UBE3D: variants seen among roughly 807,000 people sequenced by gnomAD.
UBE3D encodes ubiquitin protein ligase E3D.
Under a neutral mutation model 49.6 loss-of-function variants are expected in UBE3D, and 48 were observed. The observed-to-expected ratio is 0.97, with a 90% CI of 0.77 to 1.23. The LOEUF is 1.23. Among genes scored for constraint, UBE3D ranks in the 50% most tolerant of loss-of-function variants. The pLI is 0.00. For synonymous variants in UBE3D, 189 were observed against 174.2 expected, an observed-to-expected ratio of 1.08 and a Z score of -0.67; for missense variants, 452 against 468.4, an observed-to-expected ratio of 0.96 and a Z score of 0.32.
At chr6:82,926,491 T>C (rs2127740450) in intron 9 of UBE3D, among the ~76,000 whole-genome samples, 1 of 152,234 alleles carries the variant, frequency 6.6e-6, no homozygotes, top group South Asian at 2.1e-4. Flanking sequence ...GGTAAGAGTA[T>C]GTTAAGTTTT....
intron 8 of UBE3D, chr6:83,018,690 T>C (rs984069614): frequency 3.7e-5 from 12 of 323,598 alleles, no homozygotes; most frequent in Non-Finnish European, 6.2e-5. Context: ...TAAATATTCA[T>C]CACTGTTGAA....
downstream of UBE3D, among the ~76,000 whole-genome samples, chr6:82,890,476 T>C (rs1770960494): frequency 6.6e-6 from 1 of 152,222 alleles, no homozygotes; most frequent in Non-Finnish European, 1.5e-5. Context: ...CCTGTTGAGC[T>C]TGGGAACTTC....
chr6:82,948,340 G>C (rs1357789160), intron 9 of UBE3D, among the ~76,000 whole-genome samples: 1 of 151,382 alleles, frequency 6.6e-6, no homozygotes, highest in Non-Finnish European at 1.5e-5. Context: ...AAAAAACCCT[G>C]AACAGACCAA....
chr6:82,942,442 A>C (rs1562105607), intron 9 of UBE3D, among the ~76,000 whole-genome samples: 1 of 152,246 alleles, frequency 6.6e-6, no homozygotes, highest in Non-Finnish European at 1.5e-5. Context: ...CAGAATGTTA[A>C]TCACCAAGAC....
intron 5 of UBE3D, chr6:83,036,261 T>A (rs1782246103): frequency 6.6e-6 from 1 of 152,132 alleles, no homozygotes; most frequent in Non-Finnish European, 1.5e-5. Context: ...TGACCTCAGG[T>A]CATCTGCCCA....
chr6:82,960,896 C>T (rs1414964471), intron 8 of UBE3D, among the ~76,000 whole-genome samples: 1 of 152,288 alleles, frequency 6.6e-6, no homozygotes, highest in South Asian at 2.1e-4. Flanking sequence ...CTGACCCCAA[C>T]TCCTGCCACC....
At chr6:83,065,592 G>A (rs945396126) in intron 1 of UBE3D, 50 bp downstream of exon 1, 5 of 1,579,882 alleles carry the variant, frequency 3.2e-6, no homozygotes, top group Non-Finnish European at 4.3e-6. Context: ...CCCGACCCCC[G>A]GGCAGCAGTA....
intron 8 of UBE3D, among the ~76,000 whole-genome samples, chr6:83,016,419 C>G (rs1369743077): frequency 2.6e-5 from 4 of 152,090 alleles, no homozygotes; most frequent in Non-Finnish European, 5.9e-5. Flanking sequence ...TCAGCATTCT[C>G]CATGCTATCA....
intron 8 of UBE3D, among the ~76,000 whole-genome samples, chr6:82,995,512 A>ACACACACACACACT (rs1461837837): frequency 6.6e-6 from 1 of 151,992 alleles, no homozygotes; most frequent in African/African-American, 2.4e-5. Context: ...ACACACACAC[A>ACACACACACACACT]CACAGTCACC....
chr6:82,982,345 T>C (rs1778170799), intron 8 of UBE3D, among the ~76,000 whole-genome samples: 2 of 152,224 alleles, frequency 1.3e-5, no homozygotes, highest in Admixed American at 1.3e-4. Flanking sequence ...TCTCATCAAA[T>C]GTTCACATGT....
intron 6 of UBE3D, among the ~76,000 whole-genome samples, chr6:83,023,505 T>C (rs892560340): frequency 1.3e-4 from 20 of 152,340 alleles, no homozygotes; most frequent in African/African-American, 4.6e-4. Flanking sequence ...TACTTCCTTT[T>C]TCCTACATTT....
intron 2 of UBE3D, among the ~76,000 whole-genome samples, chr6:83,056,743 C>T (rs183215212): frequency 1.3e-5 from 2 of 152,284 alleles, no homozygotes; most frequent in East Asian, 3.9e-4. Context: ...CTCAACATCT[C>T]CTAAATGGCT....
chr6:83,017,764 A>G (rs1780795461), intron 8 of UBE3D: 1 of 152,132 alleles, frequency 6.6e-6, no homozygotes, highest in African/African-American at 2.4e-5. Flanking sequence ...ACCTCTAGAA[A>G]TTCCTCTAAT....
chr6:83,044,300 CA>C, intron 4 of UBE3D, 127 bp downstream of exon 4: 2 of 828,744 alleles, frequency 2.4e-6, no homozygotes, highest in Non-Finnish European at 3.8e-6. Context: ...ATAGCGATGA[CA>C]GTTGAAAATA....
chr6:82,937,756 G>C (rs146933889), intron 9 of UBE3D, among the ~76,000 whole-genome samples: 38 of 152,248 alleles, frequency 2.5e-4, no homozygotes, highest in African/African-American at 8.4e-4. Flanking sequence ...AAGACGAAAG[G>C]GGGGAAATTA....
chr6:82,952,433 T>G (rs1582448760), intron 9 of UBE3D, among the ~76,000 whole-genome samples: 1 of 103,240 alleles, frequency 9.7e-6, no homozygotes, highest in Admixed American at 9.4e-5. Context: ...TAATATCTAA[T>G]TTTTTTTTTT....
chr6:82,969,905 T>C (rs1777223078), intron 8 of UBE3D, among the ~76,000 whole-genome samples: 1 of 151,674 alleles, frequency 6.6e-6, no homozygotes, highest in African/African-American at 2.4e-5. Flanking sequence ...GCTTTCCAGA[T>C]ACCAAAACAT....
At chr6:83,063,288 A>C in intron 1 of UBE3D, 1 of 203,772 alleles carries the variant, frequency 4.9e-6, no homozygotes, top group Non-Finnish European at 1.0e-5. Context: ...GTGGCATGCA[A>C]CTTGTATCCC....
intron 5 of UBE3D, chr6:83,036,774 G>A (rs1054059951): frequency 2.7e-5 from 4 of 150,554 alleles, no homozygotes; most frequent in African/African-American, 9.8e-5. Flanking sequence ...CCAGGCTGAA[G>A]TGCAGTGGCT....
Sources: gnomAD v4.1 joint callset for allele counts (sites outside exome capture counted in the v4.1 genomes callset) on GRCh38, gnomAD v4.1.1 for gene constraint, MANE v1.5 for transcripts, NCBI Gene and HGNC (gene_info 2026-07-23, HGNC 2026-07-21) for gene names.